The following ADGRA1 variants were observed in gnomAD, a reference collection of about 807,000 sequenced individuals.
ADGRA1 encodes the protein G-protein coupled receptor 123.
In ADGRA1, 12 loss-of-function variants were observed where a neutral mutation model predicts 21.3. The ratio of observed to expected loss-of-function variants is 0.56; its 90% CI spans 0.36 to 0.91. The LOEUF is 0.91. ADGRA1 is among the 40% of genes least tolerant of loss of function. ADGRA1 has a pLI of 0.01. For synonymous variants in ADGRA1, 385 were observed against 368.8 expected (o/e 1.04, Z -0.50); for missense variants, 790 against 805.6 (o/e 0.98, Z 0.23).
At chr10:133,105,775 G>T (rs1339837562) in intron 5 of ADGRA1, among the ~76,000 whole-genome samples, 2 of 152,194 alleles carry the variant, frequency 1.3e-5, no homozygotes, top group African/African-American at 4.8e-5. Context: ...CTCTGGTCAG[G>T]GCAAGGTCAA....
chr10:133,129,347 G>A lies in ADGRA1; in HGVS notation c.1519G>A (p.Gly507Arg), dbSNP rs748890339. The change falls in exon 7 of 7, where the codon GGG becomes AGG. Residue 507 changes from glycine (G) to arginine (R), a missense_variant. By Grantham distance (125) the Gly-to-Arg change is moderately radical (BLOSUM62 -2). Transcript: ENST00000392607. ...PTQPGREAAL[G>R]PGHLEMLRRT... ...GCAGCCGGGCAGGGAGGCAGCGCTC[G>A]GGCCCGGCCACTTGGAGATGCTGCG... is the stretch of plus-strand genomic sequence containing the variant. 1.2e-5 allele frequency: 19 copies of A among 1,583,078 alleles called. No individual in the cohort carries two copies. The highest frequency in any genetic ancestry group is 8.1e-5 in the African/African-American group (6 of 74,086).
rs1852007480 is a variant in ADGRA1 at position 133,111,582 on chromosome 10, CAA to C, written c.401+8741_401+8742del. 6.8e-5 allele frequency among the ~76,000 whole-genome samples: 2 copies of C among 29,362 alleles called. 1 individual carries two copies. The highest frequency in any genetic ancestry group is 5.0e-3 in the East Asian group (2 of 398). The allele number at this position is 29,362 out of a possible 152,430, so 19.3% of individuals were successfully genotyped here. ...ACACCTCCCTCCTAATCCCACCAGA[CAA>C]CCTGCCCACCACGGACACCTCCCTC... is the stretch of plus-strand genomic sequence containing the variant. On this transcript the variant is annotated intron_variant, in intron 5 of 6. Coordinates refer to ENST00000392607, the MANE Select transcript of ADGRA1 (RefSeq NM_001083909.3).
At chr10:133,108,304 G>A (rs1851928304) in intron 5 of ADGRA1, among the ~76,000 whole-genome samples, 1 of 152,232 alleles carries the variant, frequency 6.6e-6, no homozygotes, top group Non-Finnish European at 1.5e-5. Flanking sequence ...GTGAGCCTTT[G>A]GCCAACAGAA....
At chr10:133,112,249 T>G (rs1852045974) in intron 5 of ADGRA1, among the ~76,000 whole-genome samples, 1 of 152,262 alleles carries the variant, frequency 6.6e-6, no homozygotes, top group African/African-American at 2.4e-5. Flanking sequence ...GACATCTTAA[T>G]TTTGCAGTAC....
intron 3 of ADGRA1, among the ~76,000 whole-genome samples, chr10:133,097,713 G>A (rs982433569): frequency 1.3e-5 from 2 of 152,222 alleles, no homozygotes; most frequent in Non-Finnish European, 2.9e-5. Flanking sequence ...GCAGAACACG[G>A]GGGCCTCGAT....
Position 133,128,639 on chromosome 10 carries a change from G to T in ADGRA1, c.811G>T (p.Ala271Ser), listed in dbSNP as rs908324301. The change falls in exon 7 of 7, where the codon GCC becomes TCC. Residue 271 changes from alanine to serine, a missense_variant. Transcript: ENST00000392607. ...GCTGTTCCTGTTCACGGCCACGTGG[G>T]CCTTCGGGGCGCTGGCGGTGTCACA... ...FTLFLFTATWAFGALAVSQGH... is the reference protein window; with the variant it reads ...FTLFLFTATWSFGALAVSQGH... 1 of 1,607,640 alleles carries T rather than the reference G, an allele frequency of 6.2e-7. No homozygotes were observed. Among genetic ancestry groups the T allele is most frequent in the South Asian group, 1.1e-5 (1 of 90,474 alleles).
At chr10:133,106,632 G>A (rs1038412857) in intron 5 of ADGRA1, among the ~76,000 whole-genome samples, 6 of 152,264 alleles carry the variant, frequency 3.9e-5, no homozygotes. Flanking sequence ...AAGGGCACCA[G>A]CCATGAGATG....
chr10:133,112,909 GGGTCTGTAAGCTGTGTCGGTTATTTGA>G (rs1417990172), intron 5 of ADGRA1, among the ~76,000 whole-genome samples: 2 of 126,776 alleles, frequency 1.6e-5, no homozygotes, highest in African/African-American at 3.0e-5. Context: ...CGGTTATTTG[GGGTCTGTAAGCTGTGTCGGTTATTTGA>G]GGTCTGCGGG....
In ADGRA1 at chr10:133,128,981, G is replaced by A. The variant is rs774780372; in HGVS notation, c.1153G>A (p.Ala385Thr). The stretch of plus-strand genomic sequence containing the variant: ...CCTGTCACCGGCCACCCCGTGCTGC[G>A]CCAAGATGCACTGCGAGCCACTGAC... ...SCLSPATPCC[A>T]KMHCEPLTAD... The change falls in exon 7 of 7, where the codon GCC (alanine) becomes ACC (threonine). Residue 385 changes from alanine to threonine, a missense_variant. Physicochemically the swap from Ala to Thr is moderately conservative, Grantham distance 58 (BLOSUM62 0). Around this residue, in one of 3 missense-constraint regions of ADGRA1, gnomAD observed 391 missense variants for 351.5 expected, o/e 1.11. Coordinates refer to ENST00000392607, the MANE Select transcript of ADGRA1 (RefSeq NM_001083909.3). The A allele has an allele frequency of 7.7e-6, 12 of 1,562,466 alleles. 1 individual carries two copies. The highest frequency in any genetic ancestry group is 5.9e-5 in the South Asian group (5 of 85,330).
At chr10:133,104,292 C>T (rs887495919) in intron 5 of ADGRA1, among the ~76,000 whole-genome samples, 12 of 152,198 alleles carry the variant, frequency 7.9e-5, no homozygotes, top group African/African-American at 2.9e-4. Context: ...CATTATCTTG[C>T]CTCTCCTGCC....
In ADGRA1 at chr10:133,130,674, A is replaced by C. The variant is rs1048962284; in HGVS notation, c.*1163A>C. The C allele has an allele frequency of 6.6e-6, 1 of 152,060 alleles. No homozygotes were observed. The highest frequency in any genetic ancestry group is 2.4e-5 in the African/African-American group (1 of 41,330). The allele number at this position is 152,060 out of a possible 1,614,324, so 9.4% of individuals were successfully genotyped here. Reference sequence around the variant, plus strand: ...CACACACACACACAAACACATGTGCATATCACACACATGCACACACACAAA... The same window carrying C: ...CACACACACACACAAACACATGTGCCTATCACACACATGCACACACACAAA... On this transcript the variant is annotated 3_prime_UTR_variant, in exon 7 of 7. Coordinates refer to ENST00000392607, the MANE Select transcript of ADGRA1 (RefSeq NM_001083909.3).
At chr10:133,103,864 G>A (rs112550719) in intron 5 of ADGRA1, among the ~76,000 whole-genome samples, 2 of 152,182 alleles carry the variant, frequency 1.3e-5, no homozygotes, top group Non-Finnish European at 2.9e-5. Context: ...GCGTGGCCTC[G>A]AGGCCTTGGG....
chr10:133,117,806 T>C (rs1470599654), intron 5 of ADGRA1, among the ~76,000 whole-genome samples: 1 of 152,222 alleles, frequency 6.6e-6, no homozygotes, highest in Non-Finnish European at 1.5e-5. Flanking sequence ...ATCTGGTGAC[T>C]TCATTCTGGG....
intron 5 of ADGRA1, among the ~76,000 whole-genome samples, chr10:133,125,662 C>T (rs1852364092): frequency 6.6e-6 from 1 of 152,100 alleles, no homozygotes; most frequent in Admixed American, 6.5e-5. Flanking sequence ...GTCTCCTGAC[C>T]TCGTGATCTG....
rs565175967 is a variant in ADGRA1 at position 133,088,067 on chromosome 10, C to A, written c.-274C>A. The A allele has an allele frequency of 2.1e-5, 21 of 985,114 alleles. No individual in the cohort carries two copies. The Admixed American group carries it at 8.0e-4, about 38-fold the overall frequency. 61.0% of individuals were successfully genotyped at this position (985,114 alleles called of 1,614,324 possible). On this transcript the variant is annotated 5_prime_UTR_variant, in exon 1 of 7. Transcript: ENST00000392607. ...TCGCGAATGGAGAGCGGGTCCCCGG[C>A]GGGGGGAGCGCAGCGCGTCTGTCTC...
intron 5 of ADGRA1, among the ~76,000 whole-genome samples, chr10:133,107,803 C>A (rs1230305259): frequency 2.0e-5 from 3 of 152,124 alleles, no homozygotes; most frequent in African/African-American, 7.2e-5. Flanking sequence ...TCTAGATAGT[C>A]AGGGAAAAAA....
chr10:133,095,756 G>T, intron 2 of ADGRA1: 1 of 1,598,424 alleles, frequency 6.3e-7, no homozygotes, highest in South Asian at 1.1e-5. Context: ...TCTCGGGCCC[G>T]CTGGCTGCCT....
rs1204365483 is a variant in ADGRA1 at position 133,128,482 on chromosome 10, G to C, written c.654G>C (p.Gln218His). The stretch of plus-strand genomic sequence containing the variant: ...AGCTGCGCACACAGCCCGAGGAGCA[G>C]CGGCGGCTGGCGACACCCGAGGGCG... ...RYELRTQPEE[Q>H]RRLATPEGGR... Residue 218 changes from glutamine to histidine, a missense_variant, in exon 7 of 7, where the codon CAG becomes CAC. This residue lies in a region of ADGRA1 where 382 missense variants were observed against 415.6 expected (regional missense o/e 0.92). Coordinates refer to ENST00000392607, the MANE Select transcript of ADGRA1 (RefSeq NM_001083909.3). The C allele has an allele frequency of 1.3e-6, 2 of 1,564,106 alleles. No homozygotes were observed. The highest frequency in any genetic ancestry group is 1.7e-6 in the Non-Finnish European group (2 of 1,156,442).
chr10:133,123,176 A>G (rs376891517), intron 5 of ADGRA1, among the ~76,000 whole-genome samples: 6 of 152,088 alleles, frequency 3.9e-5, no homozygotes, highest in African/African-American at 1.4e-4. Flanking sequence ...CATCCCTGGC[A>G]GGGGCCCCGC....
Sources: gnomAD v4.1 joint callset for allele counts (sites outside exome capture counted in the v4.1 genomes callset) on GRCh38, gnomAD v4.1.1 for gene constraint, gnomAD v4.1.1 regional missense constraint, MANE v1.5 for transcripts, NCBI Gene and HGNC (gene_info 2026-07-23, HGNC 2026-07-21) for gene names.